The following FOXP1 variants were observed in gnomAD, a reference collection of about 807,000 sequenced individuals.
FOXP1 encodes forkhead box protein P1.
A neutral mutation model predicts 98.2 loss-of-function variants in FOXP1; 15 were observed. The ratio of observed to expected loss-of-function variants is 0.15; its 90% CI spans 0.10 to 0.24. FOXP1 has a LOEUF of 0.24. Ranked by LOEUF, FOXP1 falls within the 10% of genes least tolerant of loss-of-function variation. The probability of loss-of-function intolerance (pLI) is 1.00; values close to 1 mark genes in which losing one functional copy is unlikely to be tolerated. For missense variants in FOXP1, 633 were observed against 848.5 expected (o/e 0.75, Z 3.15); for synonymous variants, 371 against 314.5 (o/e 1.18, Z -1.90).
At chr3:71,443,066 GTA>G (rs1245544125) in intron 3 of FOXP1, among the ~76,000 whole-genome samples, 2 of 151,968 alleles carry the variant, frequency 1.3e-5, no homozygotes, top group Non-Finnish European at 2.9e-5. Flanking sequence ...TAATTTTTTT[GTA>G]TTTCTGGTAG....
chr3:71,212,684 A>AT (rs1385827699), intron 5 of FOXP1, among the ~76,000 whole-genome samples: 1 of 152,198 alleles, frequency 6.6e-6, no homozygotes, highest in Non-Finnish European at 1.5e-5. Flanking sequence ...TATCATTCAA[A>AT]TGCTTTATTG....
chr3:71,156,925 C>A (rs1161066934), intron 6 of FOXP1, among the ~76,000 whole-genome samples: 1 of 152,226 alleles, frequency 6.6e-6, no homozygotes. Context: ...GCTGGCTAAT[C>A]AGGACTGAAA....
At chr3:71,058,892 T>TA (rs776471899) in intron 7 of FOXP1, among the ~76,000 whole-genome samples, 372 of 139,774 alleles carry the variant, frequency 2.7e-3, no homozygotes, top group African/African-American at 8.6e-3. Flanking sequence ...CTTAAAAAAA[T>TA]AAAAAAAAAA....
At chr3:71,087,404 T>C (rs913327486) in intron 7 of FOXP1, among the ~76,000 whole-genome samples, 1 of 152,192 alleles carries the variant, frequency 6.6e-6, no homozygotes, top group Non-Finnish European at 1.5e-5. Flanking sequence ...TTATGCAACA[T>C]ATTGATGTAA....
chr3:71,205,467 A>G (rs2063964563), intron 5 of FOXP1, among the ~76,000 whole-genome samples: 1 of 152,160 alleles, frequency 6.6e-6, no homozygotes, highest in African/African-American at 2.4e-5. Flanking sequence ...GCCCCTCTGG[A>G]AAAAAAGTTC....
At chr3:71,050,250 C>G (rs1044055534) in intron 9 of FOXP1, among the ~76,000 whole-genome samples, 2 of 152,194 alleles carry the variant, frequency 1.3e-5, no homozygotes, top group African/African-American at 4.8e-5. Flanking sequence ...TGCTGTGTAA[C>G]TTTCCCCTTC....
At chr3:71,428,359 T>C (rs902500549) in intron 3 of FOXP1, among the ~76,000 whole-genome samples, 6 of 152,276 alleles carry the variant, frequency 3.9e-5, no homozygotes, top group Non-Finnish European at 7.3e-5. Context: ...AAAACGCCCT[T>C]GTTCCAAATG....
chr3:71,320,652 T>C (rs1459853141), intron 4 of FOXP1, among the ~76,000 whole-genome samples: 1 of 152,198 alleles, frequency 6.6e-6, no homozygotes, highest in African/African-American at 2.4e-5. Flanking sequence ...ATCATTTCTC[T>C]TGCTAAGCTC....
intron 4 of FOXP1, among the ~76,000 whole-genome samples, chr3:71,316,184 A>G (rs1178246131): frequency 2.0e-5 from 3 of 152,204 alleles, no homozygotes; most frequent in African/African-American, 7.2e-5. Context: ...TAATTGCTAC[A>G]GACGGGTCGC....
At chr3:71,325,412 C>A (rs2075633692) in intron 4 of FOXP1, among the ~76,000 whole-genome samples, 1 of 152,098 alleles carries the variant, frequency 6.6e-6, no homozygotes, top group Non-Finnish European at 1.5e-5. Flanking sequence ...TTTTACAGAC[C>A]AAACACAACA....
intron 6 of FOXP1, among the ~76,000 whole-genome samples, chr3:71,182,714 T>G (rs2108290763): frequency 6.6e-6 from 1 of 152,016 alleles, no homozygotes; most frequent in East Asian, 1.9e-4. Context: ...GTTGTTGTTG[T>G]TTTTCTTAAT....
intron 3 of FOXP1, among the ~76,000 whole-genome samples, chr3:71,460,429 C>G (rs1048936053): frequency 8.6e-5 from 13 of 150,690 alleles, no homozygotes; most frequent in Admixed American, 6.6e-5. Context: ...TGGTTTTTTT[C>G]GTTTTTTTTT....
intron 7 of FOXP1, among the ~76,000 whole-genome samples, chr3:71,082,661 AAAAC>A (rs2054580940): frequency 6.6e-6 from 1 of 152,150 alleles, no homozygotes; most frequent in Non-Finnish European, 1.5e-5. Flanking sequence ...CAACAAAAAA[AAAAC>A]AGACAAAAAT....
intron 2 of FOXP1, among the ~76,000 whole-genome samples, chr3:71,564,243 C>T (rs1027156325): frequency 6.6e-6 from 1 of 152,172 alleles, no homozygotes; most frequent in Non-Finnish European, 1.5e-5. Context: ...TCAGTTTTTT[C>T]GTAATCTTTG....
intron 7 of FOXP1, among the ~76,000 whole-genome samples, chr3:71,101,848 T>C (rs770836640): frequency 1.2e-4 from 19 of 152,158 alleles, no homozygotes; most frequent in Non-Finnish European, 2.2e-4. Flanking sequence ...CCGCTAAACG[T>C]TGAGCTCTGT....
chr3:71,198,785 C>T (rs1391576236), intron 5 of FOXP1, among the ~76,000 whole-genome samples: 10 of 151,900 alleles, frequency 6.6e-5, no homozygotes, highest in African/African-American at 2.4e-4. Context: ...CTCCACCTCC[C>T]GGGTTCAAGA....
chr3:71,580,195 T>G (rs1407129333), intron 2 of FOXP1, among the ~76,000 whole-genome samples: 1 of 151,948 alleles, frequency 6.6e-6, no homozygotes, highest in East Asian at 1.9e-4. Flanking sequence ...AAAGTGATTT[T>G]TTTTTTCTCC....
chr3:71,106,773 AT>A (rs59989388), intron 7 of FOXP1, among the ~76,000 whole-genome samples: 8,791 of 136,798 alleles, frequency 0.064, 469 homozygotes, highest in African/African-American at 0.15. Context: ...TCAAATAGGG[AT>A]TTTTTTTTTT....
intron 6 of FOXP1, among the ~76,000 whole-genome samples, chr3:71,178,487 T>C (rs1429110811): frequency 6.6e-6 from 1 of 152,162 alleles, no homozygotes; most frequent in African/African-American, 2.4e-5. Flanking sequence ...GGCTCACTCA[T>C]GCCTGTAATC....
Sources: allele counts gnomAD v4.1 joint callset (sites outside exome capture counted in the v4.1 genomes callset), GRCh38; gene constraint gnomAD v4.1.1; transcripts MANE v1.5; gene names NCBI Gene and HGNC (gene_info 2026-07-23, HGNC 2026-07-21).